The following TBCK variants were observed in gnomAD, a reference collection of about 807,000 sequenced individuals.
TBCK encodes TBC1 domain containing kinase, also known as TBC domain-containing protein kinase-like protein.
TBCK carries 99 observed loss-of-function variants against 113.4 expected under a neutral mutation model. The observed-to-expected ratio is 0.87, with a 90% CI of 0.74 to 1.03. The LOEUF (loss-of-function observed/expected upper bound fraction) is 1.03. Ranked by LOEUF, TBCK falls within the 50% of genes least tolerant of loss-of-function variation. TBCK has a pLI of 0.00. For synonymous variants in TBCK, 369 were observed against 370.8 expected (o/e 1.00, Z 0.05); for missense variants, 1,045 against 1,061.3 (o/e 0.98, Z 0.21).
intron 24 of TBCK, among the ~76,000 whole-genome samples, chr4:106,096,547 T>C (rs1740928766): frequency 6.6e-6 from 1 of 152,184 alleles, no homozygotes; most frequent in Non-Finnish European, 1.5e-5. Flanking sequence ...GGTGAAATGC[T>C]GTAGCAGACA....
chr4:106,148,377 G>A (rs1189057488), intron 23 of TBCK, among the ~76,000 whole-genome samples: 1 of 152,114 alleles, frequency 6.6e-6, no homozygotes, highest in Non-Finnish European at 1.5e-5. Flanking sequence ...GTCTCCCCCG[G>A]ATGCCCAGCT....
At chr4:106,119,920 A>T (rs1204530391) in intron 23 of TBCK, among the ~76,000 whole-genome samples, 1 of 152,216 alleles carries the variant, frequency 6.6e-6, no homozygotes, top group Non-Finnish European at 1.5e-5. Context: ...CAACACCACT[A>T]ATAAAGAGAG....
At chr4:106,086,368 C>T (rs1479048552) in intron 25 of TBCK, among the ~76,000 whole-genome samples, 1 of 152,072 alleles carries the variant, frequency 6.6e-6, no homozygotes, top group Non-Finnish European at 1.5e-5. Context: ...TACACCCTAC[C>T]AAGACTAAAC....
intron 2 of TBCK, among the ~76,000 whole-genome samples, chr4:106,303,340 C>CT (rs916724031): frequency 5.3e-5 from 8 of 151,942 alleles, no homozygotes; most frequent in African/African-American, 1.2e-4. Context: ...GCCCTTTTTT[C>CT]TTTTTTTTCC....
intron 24 of TBCK, among the ~76,000 whole-genome samples, chr4:106,114,097 G>A (rs1286611440): frequency 6.6e-6 from 1 of 152,158 alleles, no homozygotes; most frequent in Non-Finnish European, 1.5e-5. Context: ...CGGAATGCGA[G>A]CAGTGCCCGC....
intron 23 of TBCK, among the ~76,000 whole-genome samples, chr4:106,147,225 C>T (rs1260472863): frequency 6.6e-6 from 1 of 152,208 alleles, no homozygotes. Flanking sequence ...TGATCTCCTT[C>T]CATGAATCAC....
intron 3 of TBCK, among the ~76,000 whole-genome samples, chr4:106,287,084 C>T (rs1560969600): frequency 1.3e-5 from 2 of 152,054 alleles, no homozygotes; most frequent in African/African-American, 4.8e-5. Context: ...CTCTTTGTGG[C>T]TTATGGGGTC....
chr4:106,221,881 G>C (rs1295482586), intron 19 of TBCK, among the ~76,000 whole-genome samples: 1 of 151,858 alleles, frequency 6.6e-6, no homozygotes. Context: ...TTATTACCTG[G>C]GTGATGAAAT....
chr4:106,308,946 CT>C lies in TBCK; in HGVS notation c.14del (p.Lys5ArgfsTer35). 6.2e-7 allele frequency: 1 copy of C among 1,613,672 alleles called. No individual in the cohort carries two copies. On this transcript the variant is annotated frameshift_variant, in exon 2 of 26. Transcript: ENST00000394708. LOFTEE classifies it high-confidence loss of function. MFPLKDAEMGAFTFF... is the reference protein window; with the variant it reads MFPLXDAEMGAFTFF... Reference sequence around the variant, plus strand: ...AGGTAAAGGCTCCCATTTCAGCGTCCTTCAGGGGAAACATTTTTGGAGTCCT... The same window carrying C: ...AGGTAAAGGCTCCCATTTCAGCGTCCTCAGGGGAAACATTTTTGGAGTCCT...
At chr4:106,291,852 T>A (rs1042280580) in intron 3 of TBCK, among the ~76,000 whole-genome samples, 30 of 152,194 alleles carry the variant, frequency 2.0e-4, no homozygotes, top group Admixed American at 6.5e-5. Context: ...TAACAGAGGA[T>A]ATTGAGGCAC....
intron 25 of TBCK, among the ~76,000 whole-genome samples, chr4:106,091,827 T>G (rs1740284445): frequency 6.6e-6 from 1 of 152,200 alleles, no homozygotes; most frequent in Admixed American, 6.5e-5. Context: ...GGCAGCCTGC[T>G]TTTATTCTCT....
chr4:106,247,133 C>T lies in TBCK; in HGVS notation c.931+6G>A. The T allele has an allele frequency of 2.5e-6, 4 of 1,606,364 alleles. No homozygotes were observed. The highest frequency in any genetic ancestry group is 2.7e-5 in the African/African-American group (2 of 74,490). ...TATTATTCTCTATGCTTTAATTTATCATTACCTTTACACAACTGACTGATA... is the reference window on the plus strand; with the variant it reads ...TATTATTCTCTATGCTTTAATTTATTATTACCTTTACACAACTGACTGATA... On this transcript the variant is annotated splice_donor_region_variant and intron_variant, in intron 10 of 25. Coordinates refer to ENST00000394708, the MANE Select transcript of TBCK (RefSeq NM_001163435.3).
chr4:106,079,762 G>C (rs1738640528), intron 25 of TBCK, among the ~76,000 whole-genome samples: 1 of 152,094 alleles, frequency 6.6e-6, no homozygotes, highest in African/African-American at 2.4e-5. Context: ...TATTCATAAA[G>C]AAAAAAAGTT....
chr4:106,244,167 C>T (rs1760491200), intron 11 of TBCK, among the ~76,000 whole-genome samples: 1 of 152,060 alleles, frequency 6.6e-6, no homozygotes, highest in Non-Finnish European at 1.5e-5. Context: ...TTTTGCAACA[C>T]ACTAGCACAG....
intron 23 of TBCK, among the ~76,000 whole-genome samples, chr4:106,158,380 T>C (rs973845758): frequency 6.6e-6 from 1 of 152,098 alleles, no homozygotes; most frequent in Non-Finnish European, 1.5e-5. Context: ...CTGCTTCTAC[T>C]AAAAATACAA....
chr4:106,119,834 G>A (rs1015424606), intron 23 of TBCK, among the ~76,000 whole-genome samples: 7 of 151,940 alleles, frequency 4.6e-5, no homozygotes, highest in Non-Finnish European at 8.8e-5. Context: ...ATTTACTAAC[G>A]GGCAAATGAT....
intron 25 of TBCK, among the ~76,000 whole-genome samples, chr4:106,094,108 C>T (rs555486324): frequency 6.6e-6 from 1 of 152,226 alleles, no homozygotes; most frequent in African/African-American, 2.4e-5. Flanking sequence ...TTGGAAAAAT[C>T]AATAGCCTAG....
At chr4:106,226,899 G>A (rs1319834934) in intron 19 of TBCK, among the ~76,000 whole-genome samples, 4 of 152,052 alleles carry the variant, frequency 2.6e-5, no homozygotes, top group Non-Finnish European at 4.4e-5. Context: ...TAAGGTACAG[G>A]ACACAACCTT....
At chr4:106,150,228 T>C (rs1748322254) in intron 23 of TBCK, among the ~76,000 whole-genome samples, 1 of 152,088 alleles carries the variant, frequency 6.6e-6, no homozygotes, top group African/African-American at 2.4e-5. Context: ...AAGGTTAGAA[T>C]AATAACAATA....
Sources: gnomAD v4.1 joint callset for allele counts (sites outside exome capture counted in the v4.1 genomes callset) on GRCh38, gnomAD v4.1.1 for gene constraint, MANE v1.5 for transcripts, NCBI Gene and HGNC (gene_info 2026-07-23, HGNC 2026-07-21) for gene names.